Variants in SORCS1 observed in about 807,000 individuals in gnomAD.
SORCS1 encodes VPS10 domain-containing receptor SorCS1.
Under a neutral mutation model 146.1 loss-of-function variants are expected in SORCS1, and 60 were observed. The observed-to-expected ratio is 0.41, with a 90% CI of 0.33 to 0.51. The LOEUF (loss-of-function observed/expected upper bound fraction) is 0.51. SORCS1 is among the 20% of genes least tolerant of loss of function. The probability of loss-of-function intolerance (pLI) is 0.21; values close to 1 mark genes in which losing one functional copy is unlikely to be tolerated. For missense variants in SORCS1, 1,352 were observed against 1,487.6 expected (o/e 0.91, Z 1.50); for synonymous variants, 637 against 584.0 (o/e 1.09, Z -1.31).
rs762553639 is a variant in SORCS1 at position 106,577,465 on chromosome 10, A to C, written c.3462T>G (p.Pro1154=). ...CAGCAGATCCCCGCTTTGGCGTTGAAGGCGGAGTGGCGTGTCTTGCTCTTT... is the reference window on the plus strand; with the variant it reads ...CAGCAGATCCCCGCTTTGGCGTTGACGGCGGAGTGGCGTGTCTTGCTCTTT... The part of the protein sequence containing the change: ...RLQRARHATP[P]STPKRGSAGA... Residue 1154 remains proline (P), a synonymous_variant, in exon 26 of 26, where the codon CCT becomes CCG. Transcript: ENST00000263054. The C allele has an allele frequency of 6.7e-7, 1 of 1,498,650 alleles. No individual in the cohort carries two copies. Among genetic ancestry groups the C allele is most frequent in the South Asian group, 1.1e-5 (1 of 89,610 alleles). 92.8% of individuals were successfully genotyped at this position (1,498,650 alleles called of 1,614,324 possible). A position where few individuals can be genotyped will look rare whatever the true frequency, so the allele number is the denominator to read the frequency against.
At chr10:106,676,990 C>T (rs1852076969) in intron 13 of SORCS1, among the ~76,000 whole-genome samples, 1 of 152,136 alleles carries the variant, frequency 6.6e-6, no homozygotes, top group African/African-American at 2.4e-5. Flanking sequence ...CTTTACCCTT[C>T]CCTAATTCCT....
intron 25 of SORCS1, 136 bp downstream of exon 25, chr10:106,579,233 A>T: frequency 6.8e-6 from 11 of 1,614,146 alleles, no homozygotes; most frequent in Non-Finnish European, 9.3e-6. Context: ...GGGCATAAAC[A>T]TTAATCCCCG....
intron 1 of SORCS1, among the ~76,000 whole-genome samples, chr10:106,989,668 C>CTTTTTT (rs1564895028): frequency 7.9e-6 from 1 of 127,220 alleles, no homozygotes; most frequent in African/African-American, 3.5e-5. Flanking sequence ...CATATTTTTT[C>CTTTTTT]TGTTTTTTTT....
intron 4 of SORCS1, among the ~76,000 whole-genome samples, chr10:106,765,742 G>A (rs776534106): frequency 6.6e-6 from 1 of 151,754 alleles, no homozygotes; most frequent in Non-Finnish European, 1.5e-5. Flanking sequence ...TTCACATTTT[G>A]GTTAAATCCC....
intron 1 of SORCS1, among the ~76,000 whole-genome samples, chr10:107,096,605 G>C (rs1395110088): frequency 6.6e-6 from 1 of 152,128 alleles, no homozygotes; most frequent in East Asian, 1.9e-4. Context: ...TCCACCTCCT[G>C]GGTTCAAGCG....
intron 2 of SORCS1, among the ~76,000 whole-genome samples, chr10:106,841,847 T>C (rs1374616756): frequency 6.6e-6 from 1 of 152,236 alleles, no homozygotes; most frequent in Non-Finnish European, 1.5e-5. Flanking sequence ...AAATCTCAGT[T>C]GCTTCCAAGT....
intron 6 of SORCS1, among the ~76,000 whole-genome samples, chr10:106,712,239 G>C (rs183667321): frequency 6.5e-4 from 99 of 152,314 alleles, no homozygotes; most frequent in Non-Finnish European, 1.1e-3. Context: ...GTAACAATGT[G>C]TGGGAAAATA....
chr10:106,620,263 A>C, intron 20 of SORCS1, 165 bp downstream of exon 20: 2 of 757,122 alleles, frequency 2.6e-6, no homozygotes, highest in Non-Finnish European at 4.0e-6. Flanking sequence ...AGAGAGAGAG[A>C]GAGAACATAA....
At chr10:107,078,652 T>G (rs1233508336) in intron 1 of SORCS1, among the ~76,000 whole-genome samples, 2 of 152,202 alleles carry the variant, frequency 1.3e-5, no homozygotes, top group African/African-American at 4.8e-5. Context: ...ACTCTTCATA[T>G]TTTGAACTAC....
At chr10:106,976,333 G>GTTTTGTT (rs1554901323) in intron 1 of SORCS1, among the ~76,000 whole-genome samples, 1 of 113,814 alleles carries the variant, frequency 8.8e-6, no homozygotes, top group African/African-American at 3.9e-5. Flanking sequence ...AGGTTTTTTT[G>GTTTTGTT]TTTTTTTTTT....
At chr10:107,026,175 T>A (rs942112799) in intron 1 of SORCS1, among the ~76,000 whole-genome samples, 5 of 152,204 alleles carry the variant, frequency 3.3e-5, no homozygotes, top group Non-Finnish European at 7.4e-5. Context: ...CATTGGAATG[T>A]TTCAGAAAGT....
chr10:106,612,054 A>T, intron 21 of SORCS1, 31 bp from the exon 22 acceptor site: 1 of 1,517,902 alleles, frequency 6.6e-7, no homozygotes, highest in Non-Finnish European at 9.1e-7. Context: ...GGAGTACTAT[A>T]AGTCAAATAG....
chr10:106,792,889 A>G (rs1044719064), intron 3 of SORCS1, among the ~76,000 whole-genome samples: 4 of 152,234 alleles, frequency 2.6e-5, no homozygotes, highest in Admixed American at 1.3e-4. Flanking sequence ...ACAAATAGAA[A>G]AACACGACTT....
intron 8 of SORCS1, 121 bp downstream of exon 8, chr10:106,706,424 G>T: frequency 3.2e-6 from 3 of 930,450 alleles, no homozygotes; most frequent in Non-Finnish European, 5.0e-6. Context: ...GGGAAACAGA[G>T]ATGAGAGATG....
chr10:106,848,995 C>T (rs1025961860), intron 2 of SORCS1, among the ~76,000 whole-genome samples: 70 of 151,174 alleles, frequency 4.6e-4, no homozygotes, highest in Non-Finnish European at 6.7e-4. Flanking sequence ...GTAACCCGAC[C>T]TTTCTCTCTG....
chr10:106,732,858 C>T (rs1322524424), intron 5 of SORCS1, among the ~76,000 whole-genome samples: 2 of 152,190 alleles, frequency 1.3e-5, no homozygotes, highest in Non-Finnish European at 2.9e-5. Context: ...CAGTGGCTCA[C>T]GCCTGTAATC....
rs115428876 is a variant in SORCS1 at position 106,699,413 on chromosome 10, C to A, written c.1234-20G>T. The A allele has an allele frequency of 1.9e-6, 3 of 1,586,128 alleles. No individual in the cohort carries two copies. In the Admixed American group the frequency reaches 5.3e-5, roughly 28 times the overall value. On this transcript the variant is annotated intron_variant, in intron 8 of 25. Coordinates refer to ENST00000263054, the MANE Select transcript of SORCS1 (RefSeq NM_052918.5). Reference sequence around the variant, plus strand: ...CATGTCCTGTGAAAAGACACAAGGTCGTGAAGAGGGAAAAAGAGTTTTATA... The same window carrying A: ...CATGTCCTGTGAAAAGACACAAGGTAGTGAAGAGGGAAAAAGAGTTTTATA...
chr10:106,721,174 C>T (rs111949435), intron 6 of SORCS1, among the ~76,000 whole-genome samples: 92 of 151,944 alleles, frequency 6.1e-4, no homozygotes, highest in African/African-American at 2.1e-3. Flanking sequence ...ATTTTCTCAG[C>T]ATGTCAGGAA....
At position 107,020,616 on chromosome 10, in the gene SORCS1, A is replaced by G. The variant is rs750602375; in HGVS notation, c.559-64036T>C. 3.3e-5 allele frequency among the ~76,000 whole-genome samples: 5 copies of G among 152,174 alleles called. 1 individual carries two copies. The highest frequency in any genetic ancestry group is 5.9e-5 in the Non-Finnish European group (4 of 68,020). ...TTCTGTTTGGTGATTTATTGTTTGA[A>G]CCCAAGCCCTCATGCAGTGTGGGAA... On this transcript the variant is annotated intron_variant, in intron 1 of 25. Coordinates refer to ENST00000263054, the MANE Select transcript of SORCS1 (RefSeq NM_052918.5).
Sources: gnomAD v4.1 joint callset for allele counts (sites outside exome capture counted in the v4.1 genomes callset) on GRCh38, gnomAD v4.1.1 for gene constraint, MANE v1.5 for transcripts, NCBI Gene and HGNC (gene_info 2026-07-23, HGNC 2026-07-21) for gene names.